Variants in LRP1B observed in about 807,000 individuals in gnomAD.
The protein encoded by LRP1B is LDL receptor related protein 1B, also known as low-density lipoprotein receptor-related protein 1B.
A neutral mutation model predicts 556.6 loss-of-function variants in LRP1B; 217 were observed. The ratio of observed to expected loss-of-function variants is 0.39; its 90% CI spans 0.35 to 0.44. The LOEUF (loss-of-function observed/expected upper bound fraction) is 0.44, where lower values mean the gene tolerates loss of function less well. Among genes scored for constraint, LRP1B ranks in the 20% least tolerant of loss-of-function variants. The pLI is 1.00. For missense variants in LRP1B, 5,053 were observed against 5,620.8 expected (o/e 0.90, Z 3.23); for synonymous variants, 2,047 against 1,865.8 (o/e 1.10, Z -2.50).
intron 1 of LRP1B, among the ~76,000 whole-genome samples, chr2:141,960,849 C>T (rs1701383730): frequency 1.0e-5 from 1 of 97,038 alleles, no homozygotes; most frequent in Non-Finnish European, 2.7e-5. Flanking sequence ...GGCTCAAAAC[C>T]ATTCAAAGAA....
intron 77 of LRP1B, among the ~76,000 whole-genome samples, chr2:140,336,242 T>A (rs1194548326): frequency 6.6e-6 from 1 of 152,012 alleles, no homozygotes; most frequent in African/African-American, 2.4e-5. Flanking sequence ...TTCAACATCA[T>A]GACTATGAAA....
At chr2:140,536,176 G>T (rs934395322) in intron 46 of LRP1B, among the ~76,000 whole-genome samples, 2 of 151,522 alleles carry the variant, frequency 1.3e-5, no homozygotes, top group Non-Finnish European at 2.9e-5. Context: ...TGGGTGTGGT[G>T]CTCAGAATGT....
intron 3 of LRP1B, among the ~76,000 whole-genome samples, chr2:141,297,956 GT>G (rs1249535966): frequency 6.6e-6 from 1 of 152,244 alleles, no homozygotes; most frequent in East Asian, 1.9e-4. Flanking sequence ...CTAGGTCTGT[GT>G]AAGTACACTC....
intron 4 of LRP1B, among the ~76,000 whole-genome samples, chr2:141,250,394 T>A (rs71417135): frequency 0.21 from 32,622 of 151,928 alleles, 3,598 homozygotes; most frequent in South Asian, 0.25. Context: ...GGCTAAAAAA[T>A]AACTCTTGAA....
At chr2:141,624,042 A>AAAAAAAAAT (rs1274418864) in intron 2 of LRP1B, among the ~76,000 whole-genome samples, 3 of 149,202 alleles carry the variant, frequency 2.0e-5, no homozygotes, top group African/African-American at 7.3e-5. Context: ...TAAACAAAAA[A>AAAAAAAAAT]AAAAAGAAAA....
intron 59 of LRP1B, among the ~76,000 whole-genome samples, chr2:140,481,578 T>TTATTATTA (rs1688242394): frequency 6.6e-5 from 9 of 137,130 alleles, no homozygotes; most frequent in African/African-American, 2.4e-4. Flanking sequence ...GGTAGCCATC[T>TTATTATTA]TTATTATTAT....
chr2:140,342,379 T>C (rs1260030019), intron 77 of LRP1B, among the ~76,000 whole-genome samples: 2 of 151,492 alleles, frequency 1.3e-5, no homozygotes, highest in African/African-American at 2.4e-5. Flanking sequence ...ACAAGAATGA[T>C]TCATTATTAG....
intron 5 of LRP1B, among the ~76,000 whole-genome samples, chr2:141,230,476 C>T (rs1683417582): frequency 6.6e-6 from 1 of 152,186 alleles, no homozygotes; most frequent in Admixed American, 6.5e-5. Flanking sequence ...CATTAAAATG[C>T]TAAGGCAGAT....
intron 1 of LRP1B, among the ~76,000 whole-genome samples, chr2:141,849,245 G>A (rs1371335938): frequency 5.9e-5 from 9 of 151,356 alleles, no homozygotes. Flanking sequence ...GGTTTTCTTG[G>A]TGTATAATCA....
At chr2:140,596,893 A>G (rs1184874744) in intron 43 of LRP1B, among the ~76,000 whole-genome samples, 1 of 152,198 alleles carries the variant, frequency 6.6e-6, no homozygotes, top group Non-Finnish European at 1.5e-5. Flanking sequence ...TGCTTGGCAC[A>G]GTATCTAGAA....
At chr2:141,426,172 T>C (rs1258599960) in intron 3 of LRP1B, among the ~76,000 whole-genome samples, 1 of 152,016 alleles carries the variant, frequency 6.6e-6, no homozygotes, top group Non-Finnish European at 1.5e-5. Flanking sequence ...ATTTATTAAA[T>C]AGGTAATCCT....
intron 41 of LRP1B, among the ~76,000 whole-genome samples, chr2:140,616,865 T>C (rs1683275470): frequency 6.6e-6 from 1 of 151,948 alleles, no homozygotes; most frequent in Non-Finnish European, 1.5e-5. Context: ...ATTTCTTTCA[T>C]TATTCAATGA....
In LRP1B at chr2:141,025,294, A is replaced by G. The variant is rs1301680124; in HGVS notation, c.1790-5192T>C. On this transcript the variant is annotated intron_variant, in intron 11 of 90. Coordinates refer to ENST00000389484, the MANE Select transcript of LRP1B (RefSeq NM_018557.3). ...TGAGTGGATATGAACACAAATAATAATTTCTGGATTCCAAGCTATTGTTCT... is the reference window on the plus strand; with the variant it reads ...TGAGTGGATATGAACACAAATAATAGTTTCTGGATTCCAAGCTATTGTTCT... Among the ~76,000 whole-genome samples, 8 of 152,008 alleles carry G rather than the reference A, an allele frequency of 5.3e-5. No individual in the cohort carries two copies. In the East Asian group the frequency reaches 1.4e-3, roughly 26 times the overall value.
At chr2:141,202,823 G>T (rs13016547) in intron 6 of LRP1B, among the ~76,000 whole-genome samples, 4 of 151,618 alleles carry the variant, frequency 2.6e-5, no homozygotes, top group African/African-American at 9.7e-5. Flanking sequence ...CATGTTTGCT[G>T]CACCCATCAA....
intron 1 of LRP1B, among the ~76,000 whole-genome samples, chr2:141,932,886 A>C (rs1700543465): frequency 6.6e-6 from 1 of 152,020 alleles, no homozygotes; most frequent in Admixed American, 6.6e-5. Context: ...ACATTTTCTG[A>C]TTAATATAAC....
At chr2:140,650,231 T>C (rs1684627780) in intron 41 of LRP1B, among the ~76,000 whole-genome samples, 1 of 151,696 alleles carries the variant, frequency 6.6e-6, no homozygotes, top group South Asian at 2.1e-4. Context: ...AAGGCAGAGG[T>C]TAATCAGAAA....
intron 2 of LRP1B, among the ~76,000 whole-genome samples, chr2:141,647,547 T>G (rs373412781): frequency 1.1e-4 from 16 of 152,312 alleles, no homozygotes; most frequent in African/African-American, 3.8e-4. Context: ...CTTCATCATT[T>G]ATGCTAATGC....
intron 2 of LRP1B, among the ~76,000 whole-genome samples, chr2:141,809,392 G>A (rs1339093588): frequency 6.6e-6 from 1 of 151,764 alleles, no homozygotes; most frequent in Non-Finnish European, 1.5e-5. Flanking sequence ...TTTCACATTA[G>A]CTTCATACAA....
chr2:141,922,169 A>T (rs752670280), intron 1 of LRP1B, among the ~76,000 whole-genome samples: 1 of 152,198 alleles, frequency 6.6e-6, no homozygotes, highest in Admixed American at 6.5e-5. Context: ...TTGTAAAAAC[A>T]TATTAGGCAT....
Sources: gnomAD v4.1 joint callset for allele counts (sites outside exome capture counted in the v4.1 genomes callset) on GRCh38, gnomAD v4.1.1 for gene constraint, MANE v1.5 for transcripts, NCBI Gene and HGNC (gene_info 2026-07-23, HGNC 2026-07-21) for gene names.